The following ETV1 variants were observed in gnomAD, a reference collection of about 807,000 sequenced individuals.
The protein encoded by ETV1 is ETS translocation variant 1.
Under a neutral mutation model 62.3 loss-of-function variants are expected in ETV1, and 27 were observed. The observed-to-expected ratio is 0.43, with a 90% CI of 0.32 to 0.60. ETV1 has a LOEUF of 0.60. Among genes scored for constraint, ETV1 ranks in the 20% least tolerant of loss-of-function variants. The probability of loss-of-function intolerance (pLI) is 0.06; values close to 1 mark genes in which losing one functional copy is unlikely to be tolerated. For synonymous variants in ETV1, 222 were observed against 199.6 expected, an observed-to-expected ratio of 1.11 and a Z score of -0.94; for missense variants, 605 against 605.8, an observed-to-expected ratio of 1.00 and a Z score of 0.01.
chr7:13,910,339 T>G (rs117648906), intron 10 of ETV1, among the ~76,000 whole-genome samples: 3,874 of 151,664 alleles, frequency 0.026, 72 homozygotes, highest in Middle Eastern at 0.082. Context: ...CTGTGAACTT[T>G]CGTTGTTGCT....
rs760752049 is a variant in ETV1 at position 13,900,774 on chromosome 7, T to C, written c.1176A>G (p.Ser392=). 2.5e-6 allele frequency: 4 copies of C among 1,611,550 alleles called. No homozygotes were observed. The South Asian group carries it at 4.4e-5, about 18-fold the overall frequency. The change falls in exon 13 of 14, where the codon TCA becomes TCG. Residue 392 remains serine, a synonymous_variant. Coordinates refer to ENST00000430479, the MANE Select transcript of ETV1 (RefSeq NM_004956.5). ...PAMNYDKLSR[S]LRYYYEKGIM... ...TTCCTTTCTCATAGTAATAGCGGAG[T>C]GAACGGCTAAGTTTATCATAGTTCA...
intron 6 of ETV1, among the ~76,000 whole-genome samples, chr7:13,965,266 A>G (rs2128487438): frequency 6.6e-6 from 1 of 152,330 alleles, no homozygotes; most frequent in South Asian, 2.1e-4. Context: ...GGACTGGAAT[A>G]GTTCCCGAAC....
chr7:13,941,385 TA>T (rs951727651), intron 6 of ETV1, among the ~76,000 whole-genome samples: 74 of 152,144 alleles, frequency 4.9e-4, no homozygotes, highest in Admixed American at 4.8e-3. Context: ...GAATTTTCTT[TA>T]AAATACTCTA....
At chr7:13,980,968 A>G (rs1209422306) in intron 5 of ETV1, among the ~76,000 whole-genome samples, 1 of 152,072 alleles carries the variant, frequency 6.6e-6, no homozygotes, top group Admixed American at 6.6e-5. Flanking sequence ...TGTTATGCTT[A>G]TTTTTAACTT....
Position 13,935,796 on chromosome 7 carries a change from T to C in ETV1, c.466A>G (p.Thr156Ala). 6.2e-7 allele frequency: 1 copy of C among 1,613,588 alleles called. No homozygotes were observed. The change falls in exon 8 of 14, where the codon ACT (threonine) becomes GCT (alanine). Residue 156 changes from threonine to alanine, a missense_variant. Thr to Ala is a moderately conservative substitution (Grantham distance 58). Around this residue, in one of 3 missense-constraint regions of ETV1, gnomAD observed 426 missense variants for 377.8 expected, o/e 1.13. Transcript: ENST00000430479. ...SPLHHASPNS[T>A]HTPKPDRAFP... Reference sequence around the variant, plus strand: ...GCCCGGTCAGGTTTCGGTGTATGAGTTGAGTTTGGAGATGCATGATGCAGT... The same window carrying C: ...GCCCGGTCAGGTTTCGGTGTATGAGCTGAGTTTGGAGATGCATGATGCAGT...
At chr7:13,936,677 T>C (rs999391877) in intron 7 of ETV1, among the ~76,000 whole-genome samples, 3 of 152,224 alleles carry the variant, frequency 2.0e-5, no homozygotes, top group African/African-American at 7.2e-5. Flanking sequence ...TGGTCATCTA[T>C]AAAATATTTT....
At chr7:13,961,436 T>A (rs1160889355) in intron 6 of ETV1, among the ~76,000 whole-genome samples, 1 of 152,202 alleles carries the variant, frequency 6.6e-6, no homozygotes, top group Non-Finnish European at 1.5e-5. Context: ...TTTTTATTAT[T>A]TAAATAGCAA....
intron 6 of ETV1, among the ~76,000 whole-genome samples, chr7:13,964,460 T>A (rs1298570641): frequency 1.3e-5 from 2 of 152,168 alleles, no homozygotes; most frequent in African/African-American, 4.8e-5. Flanking sequence ...GGCACATATT[T>A]CTAATCAAAA....
At chr7:13,983,720 A>G (rs1782236552) in intron 5 of ETV1, among the ~76,000 whole-genome samples, 1 of 151,604 alleles carries the variant, frequency 6.6e-6, no homozygotes, top group Non-Finnish European at 1.5e-5. Flanking sequence ...ATGTTAAAAA[A>G]AAAACCTTTA....
At chr7:13,920,430 G>C (rs1417587328) in intron 9 of ETV1, among the ~76,000 whole-genome samples, 1 of 136,372 alleles carries the variant, frequency 7.3e-6, no homozygotes, top group South Asian at 2.6e-4. Context: ...ACATTCCAGA[G>C]AGAGTGAGTG....
At chr7:13,932,955 T>A (rs1382153855) in intron 8 of ETV1, among the ~76,000 whole-genome samples, 1 of 152,200 alleles carries the variant, frequency 6.6e-6, no homozygotes, top group African/African-American at 2.4e-5. Context: ...CTGGTGGTCA[T>A]GGAAAGCACT....
At position 13,966,163 on chromosome 7, in the gene ETV1, T is replaced by C. The variant is rs114847997; in HGVS notation, c.235+11264A>G. On this transcript the variant is annotated intron_variant, in intron 6 of 13. Transcript: ENST00000430479. The stretch of plus-strand genomic sequence containing the variant: ...GAATAGGACAATACTCTGTAAATAG[T>C]AATACTTAACAGTAGAGTACCTCAT... Among the ~76,000 whole-genome samples, 1,338 of 152,292 alleles carry C rather than the reference T, an allele frequency of 8.8e-3. 16 individuals carry two copies. The highest frequency in any genetic ancestry group is 0.03 in the African/African-American group (1,245 of 41,566).
At chr7:13,934,444 A>C (rs1390895612) in intron 8 of ETV1, among the ~76,000 whole-genome samples, 3 of 152,238 alleles carry the variant, frequency 2.0e-5, no homozygotes, top group African/African-American at 4.8e-5. Context: ...GAAAGTTGCC[A>C]GTGGCACATC....
intron 10 of ETV1, 121 bp downstream of exon 10, chr7:13,911,118 G>C (rs1304047239): frequency 4.4e-6 from 3 of 684,464 alleles, no homozygotes; most frequent in Non-Finnish European, 7.7e-6. Context: ...TAAAACAATT[G>C]CTTAGGGAAC....
chr7:13,957,179 A>G (rs530091578), intron 6 of ETV1, among the ~76,000 whole-genome samples: 1 of 151,906 alleles, frequency 6.6e-6, no homozygotes, highest in Non-Finnish European at 1.5e-5. Context: ...TCCGCCTCCC[A>G]GGTTTACGCC....
At chr7:13,972,679 A>G (rs2128495011) in intron 6 of ETV1, among the ~76,000 whole-genome samples, 1 of 152,322 alleles carries the variant, frequency 6.6e-6, no homozygotes, top group South Asian at 2.1e-4. Context: ...ATTTATTGCT[A>G]AGGAATAAAC....
intron 6 of ETV1, among the ~76,000 whole-genome samples, chr7:13,941,053 C>T (rs1466776687): frequency 2.6e-5 from 4 of 151,912 alleles, no homozygotes; most frequent in South Asian, 2.1e-4. Flanking sequence ...TACGCCTATT[C>T]AAAGTAAAGA....
chr7:13,947,392 C>CAAAAA (rs11352949), intron 6 of ETV1, among the ~76,000 whole-genome samples: 2 of 86,472 alleles, frequency 2.3e-5, no homozygotes, highest in African/African-American at 4.9e-5. Flanking sequence ...ACTAACTATA[C>CAAAAA]AAAAAAAAAA....
At chr7:13,932,694 GATTA>G (rs1031611505) in intron 8 of ETV1, among the ~76,000 whole-genome samples, 71 of 152,200 alleles carry the variant, frequency 4.7e-4, no homozygotes, top group South Asian at 6.2e-4. Flanking sequence ...CAAAGATGTG[GATTA>G]ATTAAAGATT....
Sources: allele counts gnomAD v4.1 joint callset (sites outside exome capture counted in the v4.1 genomes callset), GRCh38; gene constraint gnomAD v4.1.1; regional missense constraint gnomAD v4.1.1; transcripts MANE v1.5; gene names NCBI Gene and HGNC (gene_info 2026-07-23, HGNC 2026-07-21).